Variants in TRHDE observed in about 807,000 individuals in gnomAD.
TRHDE encodes thyrotropin-releasing hormone-degrading ectoenzyme.
A neutral mutation model predicts 125.7 loss-of-function variants in TRHDE; 72 were observed. That is an observed-to-expected ratio of 0.57 (90% CI 0.47 to 0.70). The LOEUF (loss-of-function observed/expected upper bound fraction) is 0.70. Among genes scored for constraint, TRHDE ranks in the 30% least tolerant of loss-of-function variants. The pLI is 0.00. For synonymous variants in TRHDE, 509 were observed against 509.1 expected (o/e 1.00, Z 0.00); for missense variants, 1,110 against 1,327.1 (o/e 0.84, Z 2.54).
intron 2 of TRHDE, among the ~76,000 whole-genome samples, chr12:72,213,393 C>T (rs1877823772): frequency 6.6e-6 from 1 of 152,090 alleles, no homozygotes; most frequent in African/African-American, 2.4e-5. Flanking sequence ...TTGAGTGCAT[C>T]ACAGTTAGCA....
In TRHDE at chr12:72,611,476, C is replaced by G. The variant is rs1370730407; in HGVS notation, c.2322-7415C>G. 2.0e-5 allele frequency among the ~76,000 whole-genome samples: 3 copies of G among 152,140 alleles called. No homozygotes were observed. The East Asian group carries it at 5.8e-4, about 29-fold the overall frequency. Reference sequence around the variant, plus strand: ...GGTGAATTCTGAACAAATTATATCACATTTTGATCAGTAATGATTTGAAAA... The same window carrying G: ...GGTGAATTCTGAACAAATTATATCAGATTTTGATCAGTAATGATTTGAAAA... On this transcript the variant is annotated intron_variant, in intron 12 of 18. Transcript: ENST00000261180.
chr12:72,419,579 A>G (rs1873868843), intron 3 of TRHDE, among the ~76,000 whole-genome samples: 1 of 152,300 alleles, frequency 6.6e-6, no homozygotes, highest in African/African-American at 2.4e-5. Flanking sequence ...ATGAAAAATC[A>G]TTCACTATCT....
intron 1 of TRHDE, among the ~76,000 whole-genome samples, chr12:72,101,244 A>ATGTT (rs1875060143): frequency 6.6e-6 from 1 of 152,226 alleles, no homozygotes; most frequent in Non-Finnish European, 1.5e-5. Context: ...AAAACAGCCA[A>ATGTT]TAAATGTTTA....
chr12:72,539,947 A>G (rs1869058901), intron 6 of TRHDE, among the ~76,000 whole-genome samples: 1 of 151,824 alleles, frequency 6.6e-6, no homozygotes, highest in Non-Finnish European at 1.5e-5. Context: ...AAGTTACAAT[A>G]TTGTAAACAA....
rs148427518 is a variant in TRHDE, at chr12:72,201,493, G to A, written n.279+95741G>A. ...ACTGCCCCTACACAAGAGGTGACTT[G>A]AGGACCCCTCTAGGCTCCAGACCCT... On this transcript the variant is annotated intron_variant and non_coding_transcript_variant, in intron 2 of 4. Coordinates refer to the TRHDE transcript ENST00000548156. Among the ~76,000 whole-genome samples, 823 of 152,278 alleles carry A rather than the reference G, an allele frequency of 5.4e-3. 6 individuals carry two copies. The highest frequency in any genetic ancestry group is 7.7e-3 in the Non-Finnish European group (521 of 68,012).
At chr12:72,215,817 G>T (rs1264839762) in intron 2 of TRHDE, among the ~76,000 whole-genome samples, 1 of 152,148 alleles carries the variant, frequency 6.6e-6, no homozygotes, top group Non-Finnish European at 1.5e-5. Context: ...CTCAGAAATG[G>T]TTGGAGTCTG....
intron 2 of TRHDE, among the ~76,000 whole-genome samples, chr12:72,133,815 G>T (rs1875920505): frequency 6.6e-6 from 1 of 152,138 alleles, no homozygotes. Context: ...GAAAGCTGCA[G>T]CATCCCTTTT....
intron 3 of TRHDE, among the ~76,000 whole-genome samples, chr12:72,442,090 C>A (rs564594908): frequency 1.3e-4 from 20 of 151,808 alleles, no homozygotes; most frequent in African/African-American, 4.8e-4. Context: ...TAAATGATGC[C>A]GGGATTATTT....
At chr12:72,553,755 A>G (rs1168162933) in intron 7 of TRHDE, among the ~76,000 whole-genome samples, 3 of 149,700 alleles carry the variant, frequency 2.0e-5, no homozygotes, top group Non-Finnish European at 4.4e-5. Flanking sequence ...CCACCCAGGC[A>G]ATTTCCTCCT....
intron 12 of TRHDE, among the ~76,000 whole-genome samples, chr12:72,606,733 A>T (rs978524858): frequency 2.0e-5 from 3 of 152,154 alleles, no homozygotes. Flanking sequence ...ATGCACACAC[A>T]CTGGAAAAAG....
chr12:72,453,635 C>G (rs1287993831), intron 3 of TRHDE, among the ~76,000 whole-genome samples: 1 of 152,122 alleles, frequency 6.6e-6, no homozygotes, highest in Non-Finnish European at 1.5e-5. Context: ...GAGGAAAAGG[C>G]CTTGAAAGTA....
intron 2 of TRHDE, among the ~76,000 whole-genome samples, chr12:72,240,854 G>A (rs1007656848): frequency 3.9e-5 from 6 of 152,126 alleles, no homozygotes; most frequent in Admixed American, 2.0e-4. Context: ...TTACAGGCAT[G>A]AGCCACCGCG....
intron 5 of TRHDE, among the ~76,000 whole-genome samples, chr12:72,474,628 T>A: frequency 6.6e-6 from 1 of 152,176 alleles, no homozygotes; most frequent in Non-Finnish European, 1.5e-5. Context: ...AGTATTCTCT[T>A]GCGTGTATAC....
At chr12:72,404,451 C>G (rs1244456479) in intron 3 of TRHDE, among the ~76,000 whole-genome samples, 1 of 151,852 alleles carries the variant, frequency 6.6e-6, no homozygotes. Context: ...AAAAACAAAA[C>G]AAAACAAAAC....
At chr12:72,234,198 A>G (rs1878299201) in intron 2 of TRHDE, among the ~76,000 whole-genome samples, 1 of 152,170 alleles carries the variant, frequency 6.6e-6, no homozygotes, top group Non-Finnish European at 1.5e-5. Context: ...CGGAGAAAAT[A>G]TTTAAATGTC....
At chr12:72,275,546 T>A (rs962965463) in intron 1 of TRHDE, among the ~76,000 whole-genome samples, 1 of 152,234 alleles carries the variant, frequency 6.6e-6, no homozygotes, top group Non-Finnish European at 1.5e-5. Context: ...ATTTGCATAC[T>A]ATGTTTAGGA....
At chr12:72,452,671 G>A (rs1023852315) in intron 3 of TRHDE, among the ~76,000 whole-genome samples, 1 of 152,066 alleles carries the variant, frequency 6.6e-6, no homozygotes, top group African/African-American at 2.4e-5. Flanking sequence ...CTGATGGGAG[G>A]TGATTAGATC....
intron 7 of TRHDE, among the ~76,000 whole-genome samples, chr12:72,546,178 A>G (rs1465347723): frequency 1.3e-5 from 2 of 151,748 alleles, no homozygotes; most frequent in Non-Finnish European, 3.0e-5. Flanking sequence ...CATGAAATTT[A>G]CTTGAGTTGT....
At chr12:72,450,023 G>T (rs896608577) in intron 3 of TRHDE, among the ~76,000 whole-genome samples, 5 of 151,784 alleles carry the variant, frequency 3.3e-5, no homozygotes, top group Admixed American at 6.6e-5. Flanking sequence ...TTTCTCATCT[G>T]AATTTAATAT....
Sources: gnomAD v4.1 joint callset for allele counts (sites outside exome capture counted in the v4.1 genomes callset) on GRCh38, gnomAD v4.1.1 for gene constraint, MANE v1.5 for transcripts, NCBI Gene and HGNC (gene_info 2026-07-23, HGNC 2026-07-21) for gene names.